CALCOCO2: variants seen among roughly 807,000 people sequenced by gnomAD.
The protein encoded by CALCOCO2 is calcium binding and coiled-coil domain 2, also known as calcium-binding and coiled-coil domain-containing protein 2.
Under a neutral mutation model 62.5 loss-of-function variants are expected in CALCOCO2, and 42 were observed. The ratio of observed to expected loss-of-function variants is 0.67; its 90% CI spans 0.53 to 0.87. The LOEUF (loss-of-function observed/expected upper bound fraction) is 0.87, where lower values mean the gene tolerates loss of function less well. Ranked by LOEUF, CALCOCO2 falls within the 40% of genes least tolerant of loss-of-function variation. The probability of loss-of-function intolerance (pLI) is 0.00; values close to 1 mark genes in which losing one functional copy is unlikely to be tolerated. For missense variants in CALCOCO2, 456 were observed against 515.0 expected, an observed-to-expected ratio of 0.89 and a Z score of 1.11; for synonymous variants, 167 against 173.0, an observed-to-expected ratio of 0.97 and a Z score of 0.27.
intron 2 of CALCOCO2, among the ~76,000 whole-genome samples, chr17:48,847,255 A>C (rs1472944693): frequency 6.6e-6 from 1 of 152,148 alleles, no homozygotes; most frequent in African/African-American, 2.4e-5. Flanking sequence ...TTAATGCAGT[A>C]GTATATCCAG....
intron 5 of CALCOCO2, among the ~76,000 whole-genome samples, chr17:48,850,456 CA>C (rs909385974): frequency 2.0e-4 from 30 of 150,406 alleles, no homozygotes; most frequent in Admixed American, 1.2e-3. Flanking sequence ...GACTTTATCT[CA>C]AAAAAAATTA....
At chr17:48,847,781 G>C (rs1263836823) in intron 2 of CALCOCO2, 1 of 236,410 alleles carries the variant, frequency 4.2e-6, no homozygotes, top group Non-Finnish European at 8.3e-6. Flanking sequence ...TCAACCTCCT[G>C]AGTAGCTGGG....
intron 2 of CALCOCO2, among the ~76,000 whole-genome samples, chr17:48,845,728 C>CAAAA (rs534937285): frequency 2.8e-5 from 3 of 107,874 alleles, no homozygotes; most frequent in Admixed American, 1.1e-4. Context: ...GACTCCATCT[C>CAAAA]AAAAAAAAAA....
At chr17:48,861,682 C>CTGTG (rs10540361) in intron 11 of CALCOCO2, among the ~76,000 whole-genome samples, 57 of 131,988 alleles carry the variant, frequency 4.3e-4, no homozygotes, top group East Asian at 1.7e-3. Context: ...TATATAAAGC[C>CTGTG]TGTGTGTGTG....
chr17:48,846,123 T>A (rs1253079148), intron 2 of CALCOCO2: 9 of 1,042,176 alleles, frequency 8.6e-6, no homozygotes, highest in Non-Finnish European at 1.2e-5. Context: ...TCTTTTTATT[T>A]TTTATTTATT....
At chr17:48,856,035 C>A in intron 9 of CALCOCO2, 57 bp from the exon 10 acceptor site, 1 of 850,548 alleles carries the variant, frequency 1.2e-6, no homozygotes, top group Non-Finnish European at 1.9e-6. Context: ...CAATTTCTCA[C>A]CTTGTACCCA....
At chr17:48,851,322 T>A (rs2040126607) in intron 6 of CALCOCO2, 145 bp downstream of exon 6, 1 of 648,172 alleles carries the variant, frequency 1.5e-6, no homozygotes, top group East Asian at 2.6e-5. Context: ...AATCATGAAT[T>A]AGAAAATTGG....
intron 1 of CALCOCO2, 90 bp from the exon 2 acceptor site, chr17:48,841,608 C>A: frequency 1.1e-6 from 1 of 892,558 alleles, no homozygotes; most frequent in South Asian, 2.2e-5. Context: ...ACTTGCTTTG[C>A]ACAGAATGTT....
intron 1 of CALCOCO2, among the ~76,000 whole-genome samples, chr17:48,839,711 T>G (rs2039951231): frequency 8.6e-6 from 1 of 116,162 alleles, no homozygotes; most frequent in Non-Finnish European, 1.8e-5. Flanking sequence ...AGTTTCACTC[T>G]TCTTGCCCAG....
chr17:48,835,745 CTTTTCTTTTCT>C (rs947813049), intron 1 of CALCOCO2, among the ~76,000 whole-genome samples: 37 of 118,726 alleles, frequency 3.1e-4, no homozygotes, highest in African/African-American at 1.7e-3. Flanking sequence ...CTTTTCTTTT[CTTTTCTTTTCT>C]TTTTTTTTGA....
chr17:48,832,998 ACT>A (rs1385503123), intron 1 of CALCOCO2, among the ~76,000 whole-genome samples: 4 of 152,160 alleles, frequency 2.6e-5, no homozygotes, highest in African/African-American at 9.7e-5. Context: ...TTTGTAAGAC[ACT>A]CTGAAACATT....
intron 5 of CALCOCO2, 49 bp downstream of exon 5, chr17:48,849,426 G>A: frequency 6.4e-7 from 1 of 1,550,782 alleles, no homozygotes; most frequent in Non-Finnish European, 8.9e-7. Context: ...ATCAGAATTG[G>A]ATGGTGCCTC....
rs1462621190 is a variant in CALCOCO2 at position 48,864,029 on chromosome 17, T to C, written c.*1024T>C. 6.6e-6 allele frequency: 1 copy of C among 151,306 alleles called. No individual in the cohort carries two copies. The highest frequency in any genetic ancestry group is 2.4e-5 in the African/African-American group (1 of 41,208). The allele number at this position is 151,306 out of a possible 1,614,324, so 9.4% of individuals were successfully genotyped here. ...GGTGGGGAAGGAGGTGATGAAACAT[T>C]AGTTTGTGAAATCCAAGGCCCTGGC... On this transcript the variant is annotated 3_prime_UTR_variant, in exon 13 of 13. Transcript: ENST00000258947.
rs1242843587 is a variant in CALCOCO2, at chr17:48,852,975, A to G, written c.875A>G (p.Asn292Ser). Reference protein sequence around the residue: ...LEQTVEQMKQNETTAMKKQQE... With the variant: ...LEQTVEQMKQSETTAMKKQQE... ...CAGACAGTGGAGCAAATGAAGCAGAATGAAACTACTGCAATGAAGAAACAA... is the reference window on the plus strand; with the variant it reads ...CAGACAGTGGAGCAAATGAAGCAGAGTGAAACTACTGCAATGAAGAAACAA... Residue 292 changes from asparagine to serine, a missense_variant, in exon 9 of 13, where the codon AAT (asparagine) becomes AGT (serine). Physicochemically the swap from Asn to Ser is conservative, Grantham distance 46. Around this residue, in one of 3 missense-constraint regions of CALCOCO2, gnomAD observed 172 missense variants for 210.3 expected, o/e 0.82. Transcript: ENST00000258947. 6.2e-7 allele frequency: 1 copy of G among 1,613,786 alleles called. No homozygotes were observed. The highest frequency in any genetic ancestry group is 8.5e-7 in the Non-Finnish European group (1 of 1,179,668).
intron 1 of CALCOCO2, chr17:48,831,406 C>G (rs1012166342): frequency 1.3e-5 from 2 of 151,962 alleles, no homozygotes; most frequent in African/African-American, 4.8e-5. Flanking sequence ...CGTGGCGTCC[C>G]GTCCCCTCCC....
chr17:48,859,366 A>G (rs986725399), intron 10 of CALCOCO2, among the ~76,000 whole-genome samples: 2 of 152,192 alleles, frequency 1.3e-5, no homozygotes, highest in Non-Finnish European at 2.9e-5. Context: ...TGGGAGGCCA[A>G]GGCAGGAAGG....
At chr17:48,858,069 TAG>T (rs770412575) in intron 10 of CALCOCO2, among the ~76,000 whole-genome samples, 1 of 145,450 alleles carries the variant, frequency 6.9e-6, no homozygotes, top group Non-Finnish European at 1.5e-5. Context: ...TAGAATAGAA[TAG>T]AATTTTACCA....
intron 1 of CALCOCO2, among the ~76,000 whole-genome samples, chr17:48,835,740 CTTTTCTTTT>C (rs2039881469): frequency 2.0e-5 from 3 of 146,922 alleles, no homozygotes; most frequent in Admixed American, 2.0e-4. Context: ...CTTTTCTTTT[CTTTTCTTTT>C]CTTTTCTTTT....
At chr17:48,838,024 C>T (rs2039917719) in intron 1 of CALCOCO2, among the ~76,000 whole-genome samples, 1 of 152,134 alleles carries the variant, frequency 6.6e-6, no homozygotes. Flanking sequence ...ACTCCTCAGA[C>T]ACCGAGTTAA....
Sources: allele counts gnomAD v4.1 joint callset (sites outside exome capture counted in the v4.1 genomes callset), GRCh38; gene constraint gnomAD v4.1.1; regional missense constraint gnomAD v4.1.1; transcripts MANE v1.5; gene names NCBI Gene and HGNC (gene_info 2026-07-23, HGNC 2026-07-21).